The following SH3BP5 variants were observed in gnomAD, a reference collection of about 807,000 sequenced individuals.
The protein encoded by SH3BP5 is SH3 domain-binding protein 5.
Under a neutral mutation model 43.3 loss-of-function variants are expected in SH3BP5, and 22 were observed. That is an observed-to-expected ratio of 0.51 (90% CI 0.36 to 0.73). SH3BP5 has a LOEUF of 0.73. Among genes scored for constraint, SH3BP5 ranks in the 30% least tolerant of loss-of-function variants. The probability of loss-of-function intolerance (pLI) is 0.00; values close to 1 mark genes in which losing one functional copy is unlikely to be tolerated. For synonymous variants in SH3BP5, 255 were observed against 225.8 expected, an observed-to-expected ratio of 1.13 and a Z score of -1.16; for missense variants, 529 against 586.9, an observed-to-expected ratio of 0.90 and a Z score of 1.02.
intron 2 of SH3BP5, among the ~76,000 whole-genome samples, chr3:15,319,150 T>C (rs1191568836): frequency 6.6e-6 from 1 of 152,246 alleles, no homozygotes; most frequent in African/African-American, 2.4e-5. Context: ...CTAATAGGTA[T>C]TGAAGCCATG....
intron 2 of SH3BP5, among the ~76,000 whole-genome samples, chr3:15,326,286 T>C (rs1401016416): frequency 6.6e-6 from 1 of 152,094 alleles, no homozygotes; most frequent in African/African-American, 2.4e-5. Flanking sequence ...CCTTTTGCAA[T>C]CTGGAATTTA....
At chr3:15,322,858 G>A (rs1362196824) in intron 2 of SH3BP5, among the ~76,000 whole-genome samples, 8 of 146,888 alleles carry the variant, frequency 5.4e-5, no homozygotes. Flanking sequence ...AACAAAGCGG[G>A]AGGCCGGGCG....
intron 1 of SH3BP5, 37 bp downstream of exon 1, chr3:15,332,234 G>C: frequency 6.5e-7 from 1 of 1,549,956 alleles, no homozygotes; most frequent in Non-Finnish European, 8.7e-7. Flanking sequence ...AGCAGCCCTC[G>C]CGAAGCCCGG....
intron 3 of SH3BP5, among the ~76,000 whole-genome samples, chr3:15,291,472 C>A (rs1431294450): frequency 6.6e-6 from 1 of 152,054 alleles, no homozygotes; most frequent in Non-Finnish European, 1.5e-5. Context: ...AGCTTATGTA[C>A]CAAATATGGC....
intron 2 of SH3BP5, among the ~76,000 whole-genome samples, chr3:15,329,699 T>C (rs1698561469): frequency 3.3e-5 from 5 of 152,232 alleles, no homozygotes; most frequent in Admixed American, 3.3e-4. Flanking sequence ...AGAAACAGAC[T>C]TTGCCAACAG....
chr3:15,290,556 G>A (rs1481689948), intron 3 of SH3BP5, among the ~76,000 whole-genome samples: 1 of 148,776 alleles, frequency 6.7e-6, no homozygotes, highest in East Asian at 1.9e-4. Flanking sequence ...AAAATTAGCC[G>A]GGTATGGTGG....
chr3:15,306,223 G>A (rs137937199), intron 2 of SH3BP5, among the ~76,000 whole-genome samples: 1,626 of 152,260 alleles, frequency 0.011, 24 homozygotes, highest in African/African-American at 0.036. Flanking sequence ...GCCAGGTATG[G>A]TGGTGGGCAC....
At chr3:15,311,063 T>A (rs1387865429) in intron 2 of SH3BP5, among the ~76,000 whole-genome samples, 1 of 152,132 alleles carries the variant, frequency 6.6e-6, no homozygotes, top group Non-Finnish European at 1.5e-5. Flanking sequence ...GTCCCCAGAA[T>A]TAAGTGAGAT....
intron 2 of SH3BP5, among the ~76,000 whole-genome samples, chr3:15,316,862 C>A (rs781119492): frequency 2.0e-5 from 3 of 152,166 alleles, no homozygotes; most frequent in Non-Finnish European, 4.4e-5. Context: ...ACATAACAAC[C>A]CTGCATGCAC....
At chr3:15,273,072 C>G in intron 3 of SH3BP5, 41 of 956,214 alleles carry the variant, frequency 4.3e-5, no homozygotes, top group Non-Finnish European at 5.1e-5. Context: ...AACCTGTCAC[C>G]TTAAAAGCCA....
chr3:15,332,577 C>T lies in SH3BP5; in HGVS notation c.-169G>A. On this transcript the variant is annotated 5_prime_UTR_variant, in exon 1 of 9. Transcript: ENST00000383791. The stretch of plus-strand genomic sequence containing the variant: ...CCGATGCGGATACCTCCGGCCGCGG[C>T]GGAGCAGAGGAAATGGGCGCGGCCG... 8.2e-7 allele frequency: 1 copy of T among 1,221,076 alleles called. No individual in the cohort carries two copies. The highest frequency in any genetic ancestry group is 1.0e-6 in the Non-Finnish European group (1 of 982,258). The allele number at this position is 1,221,076 out of a possible 1,614,324, so 75.6% of individuals were successfully genotyped here. A position where few individuals can be genotyped will look rare whatever the true frequency, so the allele number is the denominator to read the frequency against.
At chr3:15,282,702 G>A (rs934355861) in intron 3 of SH3BP5, among the ~76,000 whole-genome samples, 1 of 151,116 alleles carries the variant, frequency 6.6e-6, no homozygotes, top group African/African-American at 2.4e-5. Context: ...AATTTTGTTA[G>A]GTGTAAAAAT....
At chr3:15,289,345 G>T (rs1697347504) in intron 3 of SH3BP5, among the ~76,000 whole-genome samples, 1 of 152,194 alleles carries the variant, frequency 6.6e-6, no homozygotes, top group Non-Finnish European at 1.5e-5. Flanking sequence ...CTTTAAAATA[G>T]AAGGGACATA....
chr3:15,278,492 T>TC (rs1697033669), intron 3 of SH3BP5, among the ~76,000 whole-genome samples: 1 of 152,042 alleles, frequency 6.6e-6, no homozygotes. Context: ...CATCCTGCAC[T>TC]CCCCCTTCAA....
intron 3 of SH3BP5, among the ~76,000 whole-genome samples, chr3:15,284,027 G>A (rs541719883): frequency 2.0e-5 from 3 of 152,290 alleles, no homozygotes; most frequent in South Asian, 2.1e-4. Context: ...CCAGGTCTCC[G>A]ACTCTGACCA....
intron 3 of SH3BP5, among the ~76,000 whole-genome samples, chr3:15,289,395 A>G (rs1282925109): frequency 6.6e-6 from 1 of 152,166 alleles, no homozygotes; most frequent in Non-Finnish European, 1.5e-5. Context: ...TGAAATGCAG[A>G]TGTGATGGCT....
chr3:15,279,102 G>A (rs997346924), intron 3 of SH3BP5, among the ~76,000 whole-genome samples: 4 of 152,128 alleles, frequency 2.6e-5, no homozygotes, highest in African/African-American at 7.2e-5. Context: ...CCTGGGAGGT[G>A]GAGGTTGCAG....
intron 4 of SH3BP5, among the ~76,000 whole-genome samples, chr3:15,268,389 A>T (rs1696701767): frequency 6.6e-6 from 1 of 152,302 alleles, no homozygotes; most frequent in South Asian, 2.1e-4. Flanking sequence ...TCAAGGAGTC[A>T]CCAAGACCTC....
intron 3 of SH3BP5, among the ~76,000 whole-genome samples, chr3:15,279,483 C>G (rs372453798): frequency 1.3e-5 from 2 of 152,012 alleles, no homozygotes; most frequent in South Asian, 4.2e-4. Flanking sequence ...CAAGGTCAAA[C>G]GGTTTTGTTC....
Sources: allele counts gnomAD v4.1 joint callset (sites outside exome capture counted in the v4.1 genomes callset), GRCh38; gene constraint gnomAD v4.1.1; transcripts MANE v1.5; gene names NCBI Gene and HGNC (gene_info 2026-07-23, HGNC 2026-07-21).